The following ADISSP variants were observed in gnomAD, a reference collection of about 807,000 sequenced individuals.
The protein encoded by ADISSP is adipose-secreted signaling protein.
At chr20:3,758,823 G>A in the ADISSP span, 2 of 746,168 alleles carry the variant, frequency 2.7e-6, no homozygotes, top group Admixed American at 5.6e-5. This position sits in a 1 kb window ranked among gnomAD's most constrained non-coding sequence, Gnocchi z 5.5. Flanking sequence ...TGGACACTAG[G>A]ATCATGAGGC....
At chr20:3,760,589 A>G in the ADISSP span, among the ~76,000 whole-genome samples, 2 of 152,210 alleles carry the variant, frequency 1.3e-5, no homozygotes, top group Non-Finnish European at 2.9e-5. Context: ...GAGCTACCTT[A>G]TTCAGGTCAC....
chr20:3,754,570 C>T, the ADISSP span: 5 of 1,590,604 alleles, frequency 3.1e-6, no homozygotes, highest in South Asian at 5.5e-5. Context: ...CCTCCCCGAT[C>T]CTGCCCCTGG....
chr20:3,762,144 C>T, the ADISSP span, among the ~76,000 whole-genome samples: 2 of 152,008 alleles, frequency 1.3e-5, no homozygotes, highest in East Asian at 3.9e-4. Context: ...TGGTGGCGGG[C>T]AGCTGTAGTC....
the ADISSP span, chr20:3,768,041 C>G: frequency 6.6e-6 from 1 of 152,616 alleles, no homozygotes; most frequent in Non-Finnish European, 1.5e-5. Flanking sequence ...AGGCCCCGCC[C>G]CCGCTCCTTC....
At chr20:3,767,788 C>A in the ADISSP span, 1 of 152,356 alleles carries the variant, frequency 6.6e-6, no homozygotes, top group Admixed American at 6.5e-5. Context: ...CGTCGGCACG[C>A]CCCCGCCTCC....
At chr20:3,758,778 C>T in the ADISSP span, 34 of 1,137,648 alleles carry the variant, frequency 3.0e-5, no homozygotes, top group Non-Finnish European at 4.3e-5. This position sits in a 1 kb window ranked among gnomAD's most constrained non-coding sequence, Gnocchi z 5.5. Flanking sequence ...TGACATCATC[C>T]AGCTCCCACT....
At chr20:3,765,103 G>A in the ADISSP span, among the ~76,000 whole-genome samples, 1 of 152,228 alleles carries the variant, frequency 6.6e-6, no homozygotes, top group Non-Finnish European at 1.5e-5. Flanking sequence ...CAGGAAGCAA[G>A]GGACTTCAGG....
the ADISSP span, among the ~76,000 whole-genome samples, chr20:3,764,677 G>A: frequency 0.034 from 5,116 of 152,264 alleles, 301 homozygotes; most frequent in African/African-American, 0.11. Context: ...CTGTGTCCCC[G>A]GCACTCAGCG....
chr20:3,756,082 G>T, the ADISSP span, among the ~76,000 whole-genome samples: 1 of 152,198 alleles, frequency 6.6e-6, no homozygotes, highest in Non-Finnish European at 1.5e-5. Flanking sequence ...GGTCAGGGAT[G>T]CTGGTCCTCC....
the ADISSP span, among the ~76,000 whole-genome samples, chr20:3,759,147 G>A: frequency 6.6e-5 from 10 of 152,190 alleles, no homozygotes; most frequent in Non-Finnish European, 1.2e-4. This position sits in a 1 kb window ranked among gnomAD's most constrained non-coding sequence, Gnocchi z 4.6. Flanking sequence ...AACCTGAAAG[G>A]GCAGGGACAG....
the ADISSP span, chr20:3,754,245 G>A: frequency 2.7e-6 from 4 of 1,476,814 alleles, no homozygotes; most frequent in Admixed American, 5.1e-5. Context: ...CTTCCCTCAG[G>A]GATCAGCTGG....
the ADISSP span, among the ~76,000 whole-genome samples, chr20:3,759,605 G>C: frequency 6.6e-6 from 1 of 152,228 alleles, no homozygotes; most frequent in South Asian, 2.1e-4. This position sits in a 1 kb window ranked among gnomAD's most constrained non-coding sequence, Gnocchi z 4.6. Context: ...CGGAGGCCCA[G>C]GGGACCAGCC....
the ADISSP span, among the ~76,000 whole-genome samples, chr20:3,763,329 G>A: frequency 7.3e-5 from 11 of 151,586 alleles, no homozygotes; most frequent in African/African-American, 1.7e-4. Flanking sequence ...AGGCTGAGGC[G>A]GGCGGATCAC....
At chr20:3,755,636 C>A in the ADISSP span, 1 of 1,572,914 alleles carries the variant, frequency 6.4e-7, no homozygotes, top group Non-Finnish European at 8.7e-7. Flanking sequence ...GGGAGGGAGG[C>A]ACCTTCACTT....
At chr20:3,758,880 A>G in the ADISSP span, among the ~76,000 whole-genome samples, 1 of 152,056 alleles carries the variant, frequency 6.6e-6, no homozygotes, top group Non-Finnish European at 1.5e-5. This position sits in a 1 kb window ranked among gnomAD's most constrained non-coding sequence, Gnocchi z 5.5. Flanking sequence ...ACAAAAATCC[A>G]TCCCCTGAGA....
the ADISSP span, among the ~76,000 whole-genome samples, chr20:3,766,493 C>T: frequency 6.6e-6 from 1 of 152,228 alleles, no homozygotes; most frequent in Non-Finnish European, 1.5e-5. Context: ...TCACCACCCA[C>T]ACCTTCCTGC....
At chr20:3,759,905 A>C in the ADISSP span, 6 of 1,114,266 alleles carry the variant, frequency 5.4e-6, no homozygotes, top group East Asian at 1.4e-4. The surrounding 1 kb of genome is among the most constrained non-coding windows in gnomAD (Gnocchi z 4.6). Flanking sequence ...CGTGAGCCCC[A>C]GAACCTGGCA....
chr20:3,753,806 C>T, the ADISSP span: 1 of 563,716 alleles, frequency 1.8e-6, no homozygotes, highest in South Asian at 2.0e-5. Context: ...CTCAGACAGC[C>T]TCCTTTCGGG....
chr20:3,765,735 C>T, the ADISSP span, among the ~76,000 whole-genome samples: 4 of 152,110 alleles, frequency 2.6e-5, no homozygotes, highest in Non-Finnish European at 5.9e-5. Flanking sequence ...CCCCTTCTCC[C>T]ACTCCCAAAG....
Sources: gnomAD v4.1 joint callset for allele counts (sites outside exome capture counted in the v4.1 genomes callset) on GRCh38, gnomAD v4.1.1 for gene constraint, Gnocchi (gnomAD v3.1) non-coding constraint, MANE v1.5 for transcripts, NCBI Gene and HGNC (gene_info 2026-07-23, HGNC 2026-07-21) for gene names.